SLC17A9: variants seen among roughly 807,000 people sequenced by gnomAD.
The protein encoded by SLC17A9 is solute carrier family 17 member 9.
SLC17A9 carries 49 observed loss-of-function variants against 55.0 expected under a neutral mutation model. The ratio of observed to expected loss-of-function variants is 0.89; its 90% CI spans 0.71 to 1.13. SLC17A9 has a LOEUF of 1.13. SLC17A9 is among the 50% of genes most tolerant of loss of function. The probability of loss-of-function intolerance (pLI) is 0.00; values close to 1 mark genes in which losing one functional copy is unlikely to be tolerated. For synonymous variants in SLC17A9, 256 were observed against 247.4 expected, an observed-to-expected ratio of 1.03 and a Z score of -0.32; for missense variants, 526 against 569.3, an observed-to-expected ratio of 0.92 and a Z score of 0.77.
At position 62,965,656 on chromosome 20, in the gene SLC17A9, A is replaced by G; in HGVS notation, c.992A>G (p.His331Arg). Residue 331 changes from histidine (H) to arginine (R), a missense_variant, in exon 10 of 13, where the codon CAC becomes CGC. Transcript: ENST00000370351. ...AGCGTCTTTGCTCTGTGCCTGGGCC[A>G]CACCTCCAGCTTCTGTGAGTCTGTG... ...LSSVFALCLG[H>R]TSSFCESVVF... 6.2e-7 allele frequency: 1 copy of G among 1,613,930 alleles called. No homozygotes were observed. Among genetic ancestry groups the G allele is most frequent in the Non-Finnish European group, 8.5e-7 (1 of 1,180,018 alleles).
chr20:62,963,728 G>C (rs1397535549), intron 7 of SLC17A9, 48 bp downstream of exon 7: 1 of 1,513,110 alleles, frequency 6.6e-7, no homozygotes, highest in Non-Finnish European at 8.9e-7. Context: ...GAAGGCACGA[G>C]GCTTGAGCTG....
chr20:62,952,999 G>A, intron 1 of SLC17A9, 110 bp downstream of exon 1: 1 of 1,316,306 alleles, frequency 7.6e-7, no homozygotes, highest in Non-Finnish European at 1.0e-6. Flanking sequence ...GGCTGAGCTG[G>A]GCGGGCTCCT....
rs1301678157 is a variant in SLC17A9 at position 62,967,489 on chromosome 20, G to A, written c.1300G>A (p.Glu434Lys). ...GAGGGTGGACCTGAGCTCTACCCAT[G>A]AGGACCTCTAGCTCCCAACCCCACA... ...AQRVDLSSTH[E>K]DL Residue 434 changes from glutamate (E) to lysine (K), a missense_variant, in exon 13 of 13, where the codon GAG (glutamate) becomes AAG (lysine). Glu to Lys is a moderately conservative substitution (Grantham distance 56, BLOSUM62 1). Coordinates refer to ENST00000370351, the MANE Select transcript of SLC17A9 (RefSeq NM_022082.4). 6.2e-7 allele frequency: 1 copy of A among 1,613,978 alleles called. No individual in the cohort carries two copies. The highest frequency in any genetic ancestry group is 1.7e-5 in the Admixed American group (1 of 60,014).
rs544493175 is a variant in SLC17A9 at position 62,962,901 on chromosome 20, C to T, written c.628+147C>T. ...GAATCCGCCAGTGAGGAAAAGCGCT[C>T]GGGTGCTGAGCTGTCAGCGGCTCCG... is the stretch of plus-strand genomic sequence containing the variant. On this transcript the variant is annotated intron_variant, in intron 5 of 12. Transcript: ENST00000370351. This position sits in a 1 kb window ranked among gnomAD's most constrained non-coding sequence, Gnocchi z 5.5. The T allele has an allele frequency of 4.6e-5, 55 of 1,202,768 alleles. No homozygotes were observed. In the East Asian group the frequency reaches 9.5e-4, roughly 21 times the overall value. 74.5% of individuals were successfully genotyped at this position (1,202,768 alleles called of 1,614,324 possible). A position where few individuals can be genotyped will look rare whatever the true frequency, so the allele number is the denominator to read the frequency against.
Position 62,964,260 on chromosome 20 carries a change from G to A in SLC17A9, c.855G>A (p.Val285=). The change falls in exon 8 of 13, where the codon GTG becomes GTA. Residue 285 remains valine (V), a synonymous_variant. Transcript: ENST00000370351. ...TCTTCAACGTGGTTCCTTGGTTGGT[G>A]GCGATTCCGGCCAGTCTATTCAGCG... ...GWIFNVVPWL[V]AIPASLFSGF... 1 of 1,614,234 alleles carries A rather than the reference G, an allele frequency of 6.2e-7. No individual in the cohort carries two copies. The highest frequency in any genetic ancestry group is 8.5e-7 in the Non-Finnish European group (1 of 1,180,026).
Position 62,963,570 on chromosome 20 carries a change from A to G in SLC17A9, c.726-14A>G. Reference sequence around the variant, plus strand: ...TGCGGCACCAGAGTCACGGTCCACCATTGGGCCCCGCAGGGCAGCCGTCGT... The same window carrying G: ...TGCGGCACCAGAGTCACGGTCCACCGTTGGGCCCCGCAGGGCAGCCGTCGT... On this transcript the variant is annotated splice_polypyrimidine_tract_variant and intron_variant, in intron 6 of 12. Coordinates refer to ENST00000370351, the MANE Select transcript of SLC17A9 (RefSeq NM_022082.4). The G allele has an allele frequency of 6.3e-7, 1 of 1,583,174 alleles. No homozygotes were observed. The highest frequency in any genetic ancestry group is 8.6e-7 in the Non-Finnish European group (1 of 1,164,470).
rs1367077159 is a variant in SLC17A9, at chr20:62,963,695, C to G, written c.822+15C>G. On this transcript the variant is annotated intron_variant, in intron 7 of 12. Coordinates refer to ENST00000370351, the MANE Select transcript of SLC17A9 (RefSeq NM_022082.4). ...CCGACGCCAAGGTGAGTCGGGGGCTCCCGCAGGGTGAAGGAGCGCCCAGAA... is the reference window on the plus strand; with the variant it reads ...CCGACGCCAAGGTGAGTCGGGGGCTGCCGCAGGGTGAAGGAGCGCCCAGAA... 6.4e-7 allele frequency: 1 copy of G among 1,570,376 alleles called. No individual in the cohort carries two copies. Among genetic ancestry groups the G allele is most frequent in the East Asian group, 2.3e-5 (1 of 43,124 alleles).
At position 62,957,671 on chromosome 20, in the gene SLC17A9, G is replaced by A. The variant is rs577899221; in HGVS notation, c.397+91G>A. The A allele has an allele frequency of 1.0e-4, 109 of 1,087,174 alleles. No individual in the cohort carries two copies. The East Asian group carries it at 1.1e-3, about 10-fold the overall frequency. The allele number at this position is 1,087,174 out of a possible 1,614,324, so 67.3% of individuals were successfully genotyped here. On this transcript the variant is annotated intron_variant, in intron 3 of 12. Transcript: ENST00000370351. ...CACGGATGTGTGTGCAGGTGCATGC[G>A]TGCATGCAGGTGGTGTACAAGTGTG...
Position 62,955,474 on chromosome 20 carries a change from T to G in SLC17A9, c.60-1291T>G, listed in dbSNP as rs541352229. Among the ~76,000 whole-genome samples the G allele has an allele frequency of 2.0e-5, 3 of 152,184 alleles. No individual in the cohort carries two copies. In the East Asian group the frequency reaches 5.8e-4, roughly 29 times the overall value. On this transcript the variant is annotated intron_variant, in intron 1 of 12. Transcript: ENST00000370351. The stretch of plus-strand genomic sequence containing the variant: ...GCTAATTTTTAAAGTTTTTTTTTGT[T>G]TTGTTTTGTTTTTTTTTGTAGAGCT...
chr20:62,963,448 C>T (rs2065606660), intron 6 of SLC17A9, 79 bp downstream of exon 6: 1 of 1,531,198 alleles, frequency 6.5e-7, no homozygotes, highest in South Asian at 1.2e-5. Flanking sequence ...CCGGACCTGA[C>T]AGCCCTTGAG....
chr20:62,962,937 C>T lies in SLC17A9; in HGVS notation c.628+183C>T, dbSNP rs749544143. The T allele has an allele frequency of 7.0e-6, 6 of 853,992 alleles. No individual in the cohort carries two copies. Among genetic ancestry groups the T allele is most frequent in the South Asian group, 1.7e-5 (1 of 57,982 alleles). The allele number at this position is 853,992 out of a possible 1,614,324, so 52.9% of individuals were successfully genotyped here. On this transcript the variant is annotated intron_variant, in intron 5 of 12. Coordinates refer to ENST00000370351, the MANE Select transcript of SLC17A9 (RefSeq NM_022082.4). This position sits in a 1 kb window ranked among gnomAD's most constrained non-coding sequence, Gnocchi z 5.5. ...CTGTCAGCGGCTCCGCCACCCAATT[C>T]GATCTGGAAGGTTCCATCTAGGGCT... is the stretch of plus-strand genomic sequence containing the variant.
chr20:62,956,309 T>A (rs1160328105), intron 1 of SLC17A9, among the ~76,000 whole-genome samples: 1 of 152,194 alleles, frequency 6.6e-6, no homozygotes, highest in Admixed American at 6.5e-5. Context: ...CTCACTCATC[T>A]GGGGCAGGTT....
rs937116578 is a variant in SLC17A9 at position 62,962,429 on chromosome 20, G to A, written c.498-195G>A. The stretch of plus-strand genomic sequence containing the variant: ...AGGTTCGCCCCAGCCCTGTGTGCCC[G>A]GAGTCTCCCCTGAGTACCCGAAGTC... On this transcript the variant is annotated intron_variant, in intron 4 of 12. Coordinates refer to ENST00000370351, the MANE Select transcript of SLC17A9 (RefSeq NM_022082.4). The surrounding 1 kb of genome is among the most constrained non-coding windows in gnomAD (Gnocchi z 5.5). 4.8e-5 allele frequency: 26 copies of A among 542,054 alleles called. No individual in the cohort carries two copies. Among genetic ancestry groups the A allele is most frequent in the Admixed American group, 3.9e-4 (11 of 27,982 alleles). 33.6% of individuals were successfully genotyped at this position (542,054 alleles called of 1,614,324 possible).
intron 1 of SLC17A9, among the ~76,000 whole-genome samples, chr20:62,954,640 ACTGT>A (rs933521884): frequency 1.3e-5 from 2 of 151,942 alleles, no homozygotes; most frequent in South Asian, 2.1e-4. Flanking sequence ...CAGGTAGCCG[ACTGT>A]CTGGGCCATC....
intron 1 of SLC17A9, 187 bp downstream of exon 1, chr20:62,953,076 C>A: frequency 2.4e-6 from 3 of 1,264,586 alleles, no homozygotes; most frequent in Non-Finnish European, 2.2e-6. Flanking sequence ...TCCTTCCTCC[C>A]TGCCATGAGA....
At chr20:62,967,210 A>C in intron 12 of SLC17A9, 127 bp from the exon 13 acceptor site, 5 of 1,120,472 alleles carry the variant, frequency 4.5e-6, no homozygotes, top group Non-Finnish European at 6.5e-6. Flanking sequence ...AGCCCTGGGA[A>C]CCATGGGGGC....
intron 1 of SLC17A9, among the ~76,000 whole-genome samples, chr20:62,954,443 C>T (rs2065518572): frequency 6.6e-6 from 1 of 152,264 alleles, no homozygotes; most frequent in Non-Finnish European, 1.5e-5. Context: ...GCCGTGGATG[C>T]TGCTTCTGCA....
At chr20:62,953,662 T>G (rs1391217884) in intron 1 of SLC17A9, among the ~76,000 whole-genome samples, 1 of 152,226 alleles carries the variant, frequency 6.6e-6, no homozygotes, top group Non-Finnish European at 1.5e-5. Flanking sequence ...CTGCCTGCAC[T>G]GAGTCCCCAG....
chr20:62,956,462 G>A (rs1034965657), intron 1 of SLC17A9, among the ~76,000 whole-genome samples: 2 of 152,150 alleles, frequency 1.3e-5, no homozygotes, highest in African/African-American at 4.8e-5. Context: ...TCTTTGAGGG[G>A]AACAAGCAGG....
Sources: gnomAD v4.1 joint callset for allele counts (sites outside exome capture counted in the v4.1 genomes callset) on GRCh38, gnomAD v4.1.1 for gene constraint, Gnocchi (gnomAD v3.1) non-coding constraint, MANE v1.5 for transcripts, NCBI Gene and HGNC (gene_info 2026-07-23, HGNC 2026-07-21) for gene names.